YBEY: variants seen among roughly 807,000 people sequenced by gnomAD.
YBEY encodes endoribonuclease YbeY.
Under a neutral mutation model 13.5 loss-of-function variants are expected in YBEY, and 15 were observed. That is an observed-to-expected ratio of 1.11 (90% CI 0.75 to 1.72). The LOEUF is 1.72. YBEY is among the 40% of genes most tolerant of loss of function. The probability of loss-of-function intolerance (pLI) is 0.00; values close to 1 mark genes in which losing one functional copy is unlikely to be tolerated. For missense variants in YBEY, 244 were observed against 208.4 expected, an observed-to-expected ratio of 1.17 and a Z score of -1.05; for synonymous variants, 101 against 83.1, an observed-to-expected ratio of 1.21 and a Z score of -1.17.
chr21:46,308,016 CAG>C, the YBEY span, among the ~76,000 whole-genome samples: 4 of 151,896 alleles, frequency 2.6e-5, no homozygotes, highest in African/African-American at 9.7e-5. Flanking sequence ...TTTTTTGAGA[CAG>C]AGTCTCGCTC....
downstream of YBEY, among the ~76,000 whole-genome samples, chr21:46,297,906 G>A (rs1039642792): frequency 6.6e-6 from 1 of 152,240 alleles, no homozygotes; most frequent in African/African-American, 2.4e-5. Flanking sequence ...CCCGGAGCCT[G>A]CGCCCCCGGA....
At chr21:46,300,635 C>A, downstream of YBEY, 1 of 1,227,984 alleles carries the variant, frequency 8.1e-7, no homozygotes, top group Non-Finnish European at 1.0e-6. Flanking sequence ...GTGTTCACAC[C>A]TGCCCGTCCA....
intron 2 of YBEY, among the ~76,000 whole-genome samples, chr21:46,287,784 A>G (rs1453930079): frequency 6.6e-6 from 1 of 151,990 alleles, no homozygotes; most frequent in Non-Finnish European, 1.5e-5. Context: ...TGAGGTCAGG[A>G]GTTCGAGATC....
downstream of YBEY, chr21:46,301,420 T>G: frequency 1.0e-6 from 1 of 955,316 alleles, no homozygotes; most frequent in Middle Eastern, 5.4e-4. Flanking sequence ...GTGCTGGGAT[T>G]ACAGGCATGA....
downstream of YBEY, among the ~76,000 whole-genome samples, chr21:46,297,935 G>T (rs2145851311): frequency 6.6e-6 from 1 of 152,356 alleles, no homozygotes; most frequent in East Asian, 1.9e-4. Flanking sequence ...GGCTCGAGGG[G>T]CTTGGGTGCC....
intron 3 of YBEY, among the ~76,000 whole-genome samples, chr21:46,295,114 C>T (rs1376804345): frequency 6.6e-6 from 1 of 152,132 alleles, no homozygotes; most frequent in African/African-American, 2.4e-5. Context: ...TGGACATCTG[C>T]TTCCATTTTC....
At chr21:46,312,272 G>C in the YBEY span, among the ~76,000 whole-genome samples, 2 of 152,116 alleles carry the variant, frequency 1.3e-5, no homozygotes, top group African/African-American at 2.4e-5. Context: ...GCTGAGGCCT[G>C]GTTCCACCAA....
At chr21:46,292,015 AGGGG>A in intron 3 of YBEY, 1 of 260,130 alleles carries the variant, frequency 3.8e-6, no homozygotes, top group Non-Finnish European at 6.0e-6. Flanking sequence ...TTTGGCAGGC[AGGGG>A]CTAGGGAATG....
In YBEY at chr21:46,296,155, C is replaced by A; in HGVS notation, c.340-7C>A. The stretch of plus-strand genomic sequence containing the variant: ...TCCTCTGAGCCGGTTTAAAATTATT[C>A]TGACAGGTGACGGCCACCCACGGAC... On this transcript the variant is annotated splice_region_variant and splice_polypyrimidine_tract_variant and intron_variant, in intron 3 of 4. Transcript: ENST00000397701. The A allele has an allele frequency of 6.2e-7, 1 of 1,613,746 alleles. No individual in the cohort carries two copies.
chr21:46,290,864 G>A (rs966227794), intron 2 of YBEY, among the ~76,000 whole-genome samples: 4 of 151,886 alleles, frequency 2.6e-5, no homozygotes, highest in Admixed American at 1.3e-4. Flanking sequence ...TGACCAACAC[G>A]GAGAAACCCA....
At position 46,297,598 on chromosome 21, in the gene YBEY, G is replaced by A. The variant is rs1372533075; in HGVS notation, c.468G>A (p.Leu156=). ...DELGRRTGTR[L]QPLTRGLFGG... is the part of the protein sequence containing the mutation. ...TGGGCCGACGCACGGGGACCCGGCT[G>A]CAGCCCCTGACCCGGGGCCTCTTCG... is the stretch of plus-strand genomic sequence containing the variant. Residue 156 remains leucine (L), a synonymous_variant, in exon 5 of 5, where the codon CTG becomes CTA. Transcript: ENST00000397701. 6.5e-6 allele frequency: 9 copies of A among 1,379,714 alleles called. No individual in the cohort carries two copies. The highest frequency in any genetic ancestry group is 8.6e-6 in the Non-Finnish European group (9 of 1,052,276). 85.5% of individuals were successfully genotyped at this position (1,379,714 alleles called of 1,614,324 possible).
At chr21:46,301,644 T>C (rs914394228), downstream of YBEY, 1 of 1,086,904 alleles carries the variant, frequency 9.2e-7, no homozygotes, top group African/African-American at 1.6e-5. Flanking sequence ...GCTGGTGGCG[T>C]CCACGGCCTC....
chr21:46,301,889 G>A (rs2145878726), downstream of YBEY: 2 of 1,335,958 alleles, frequency 1.5e-6, no homozygotes, highest in South Asian at 2.1e-5. Flanking sequence ...AGCCACTCCG[G>A]GTGGTGGCAG....
the YBEY span, among the ~76,000 whole-genome samples, chr21:46,312,371 T>C: frequency 6.6e-6 from 1 of 152,008 alleles, no homozygotes; most frequent in Non-Finnish European, 1.5e-5. Context: ...CAGGCTGGAG[T>C]GCAATGGTAC....
intron 3 of YBEY, among the ~76,000 whole-genome samples, chr21:46,292,548 A>AAT (rs199702380): frequency 1.7e-5 from 2 of 117,716 alleles, no homozygotes; most frequent in African/African-American, 7.8e-5. Flanking sequence ...CTGAGTGGGG[A>AAT]CAGCCACGCA....
downstream of YBEY, chr21:46,302,480 C>T (rs1456125604): frequency 2.5e-6 from 4 of 1,599,716 alleles, no homozygotes; most frequent in Admixed American, 6.8e-5. Flanking sequence ...GGGGGCTAAG[C>T]CTACCTGCAG....
chr21:46,291,211 A>AT, intron 2 of YBEY, 123 bp from the exon 3 acceptor site: 1 of 1,171,054 alleles, frequency 8.5e-7, no homozygotes, highest in Non-Finnish European at 1.1e-6. Context: ...AAAAAAAAAA[A>AT]AAAAAGTGAT....
At chr21:46,309,611 A>C in the YBEY span, among the ~76,000 whole-genome samples, 1 of 152,208 alleles carries the variant, frequency 6.6e-6, no homozygotes, top group African/African-American at 2.4e-5. Flanking sequence ...TTATTGATAC[A>C]CCCAACGACA....
At chr21:46,304,748 G>T in the YBEY span, among the ~76,000 whole-genome samples, 1 of 152,132 alleles carries the variant, frequency 6.6e-6, no homozygotes, top group Non-Finnish European at 1.5e-5. Context: ...CTAGGCATGC[G>T]TTCCATTAGA....
Sources: allele counts gnomAD v4.1 joint callset (sites outside exome capture counted in the v4.1 genomes callset), GRCh38; gene constraint gnomAD v4.1.1; transcripts MANE v1.5; gene names NCBI Gene and HGNC (gene_info 2026-07-23, HGNC 2026-07-21).